The following DST variants were observed in gnomAD, a reference collection of about 807,000 sequenced individuals.
DST encodes dystonin.
In DST, 253 loss-of-function variants were observed where a neutral mutation model predicts 875.2. That is an observed-to-expected ratio of 0.29 (90% CI 0.26 to 0.32). DST has a LOEUF of 0.32. Among genes scored for constraint, DST ranks in the 10% least tolerant of loss-of-function variants. DST has a pLI of 1.00. For missense variants in DST, 8,287 were observed against 9,111.6 expected, an observed-to-expected ratio of 0.91 and a Z score of 3.68; for synonymous variants, 3,124 against 3,197.1, an observed-to-expected ratio of 0.98 and a Z score of 0.77.
At chr6:56,711,728 C>G (rs1005308995) in intron 5 of DST, among the ~76,000 whole-genome samples, 1 of 152,102 alleles carries the variant, frequency 6.6e-6, no homozygotes, top group African/African-American at 2.4e-5. Context: ...GTAAAGGCAT[C>G]AGCATTACCC....
intron 36 of DST, chr6:56,618,092 TCAGA>T: frequency 6.2e-7 from 1 of 1,614,176 alleles, no homozygotes; most frequent in Non-Finnish European, 8.5e-7. Context: ...CTTCTCAATT[TCAGA>T]CAGTCTTGTA....
rs191446490 is a variant in DST, at chr6:56,695,087, G to A, written c.1047+4566C>T. On this transcript the variant is annotated intron_variant, in intron 9 of 103. Transcript: ENST00000680361. ...GGTTGCAGTGAGCCAAGATTGCACC[G>A]CTGCACTCCAGTCTGGGCGACAGAG... Among the ~76,000 whole-genome samples the A allele has an allele frequency of 7.6e-3, 1,090 of 143,066 alleles. 15 individuals carry two copies. The highest frequency in any genetic ancestry group is 0.027 in the African/African-American group (1,021 of 37,280). 93.9% of individuals were successfully genotyped at this position (143,066 alleles called of 152,430 possible). A position where few individuals can be genotyped will look rare whatever the true frequency, so the allele number is the denominator to read the frequency against.
At chr6:56,488,087 A>G (rs577818693) in intron 86 of DST, among the ~76,000 whole-genome samples, 1 of 152,200 alleles carries the variant, frequency 6.6e-6, no homozygotes, top group Admixed American at 6.5e-5. Flanking sequence ...GAAATTTCTA[A>G]GTAATAGACA....
intron 5 of DST, among the ~76,000 whole-genome samples, chr6:56,723,500 G>C (rs893244030): frequency 2.0e-5 from 3 of 151,978 alleles, no homozygotes; most frequent in Admixed American, 6.6e-5. Context: ...GGAGGCAGAG[G>C]TTATGATGAG....
intron 4 of DST, 38 bp downstream of exon 4, chr6:56,851,359 T>C (rs746354660): frequency 1.3e-6 from 2 of 1,585,746 alleles, no homozygotes; most frequent in East Asian, 2.2e-5. Context: ...TCCGCAACTC[T>C]CTTCCCCCAC....
At chr6:56,784,508 T>A (rs1006519518) in intron 4 of DST, among the ~76,000 whole-genome samples, 1 of 152,232 alleles carries the variant, frequency 6.6e-6, no homozygotes, top group Non-Finnish European at 1.5e-5. Context: ...TTCTTCCAGT[T>A]GATCGCATCA....
intron 4 of DST, among the ~76,000 whole-genome samples, chr6:56,749,092 C>T (rs1360354394): frequency 6.6e-6 from 1 of 151,986 alleles, no homozygotes; most frequent in Non-Finnish European, 1.5e-5. Context: ...TTGGGCCGGG[C>T]GCAGTGGCTC....
chr6:56,915,327 C>G (rs1178435144), intron 2 of DST, among the ~76,000 whole-genome samples: 3 of 152,080 alleles, frequency 2.0e-5, no homozygotes, highest in Non-Finnish European at 4.4e-5. Flanking sequence ...TACAACTTCC[C>G]AACTGCAAAT....
chr6:56,680,028 G>C (rs995247712), intron 9 of DST, among the ~76,000 whole-genome samples: 1 of 152,022 alleles, frequency 6.6e-6, no homozygotes, highest in African/African-American at 2.4e-5. Context: ...GGGTCTCTCA[G>C]TATTTAAAAT....
intron 2 of DST, among the ~76,000 whole-genome samples, chr6:56,922,575 T>C (rs1562414537): frequency 6.6e-6 from 1 of 151,532 alleles, no homozygotes; most frequent in Non-Finnish European, 1.5e-5. Flanking sequence ...TCAGTGACCT[T>C]CTTCTTTGCT....
At chr6:56,907,898 A>C (rs1379254123) in intron 2 of DST, among the ~76,000 whole-genome samples, 1 of 152,102 alleles carries the variant, frequency 6.6e-6, no homozygotes, top group Non-Finnish European at 1.5e-5. Flanking sequence ...CAGCCTGGGC[A>C]ACATGGTCAA....
chr6:56,622,983 C>A (rs903802327), intron 36 of DST, among the ~76,000 whole-genome samples: 3 of 152,150 alleles, frequency 2.0e-5, no homozygotes, highest in Admixed American at 2.0e-4. Flanking sequence ...AAACACCAAT[C>A]TTTTGAGTCT....
chr6:56,851,142 A>G (rs775670030), intron 4 of DST: 50 of 520,794 alleles, frequency 9.6e-5, no homozygotes, highest in Non-Finnish European at 1.4e-4. Context: ...ATGTCTGTAA[A>G]TATTTCCTTG....
At chr6:56,772,053 G>C (rs187642302) in intron 4 of DST, among the ~76,000 whole-genome samples, 22 of 152,308 alleles carry the variant, frequency 1.4e-4, no homozygotes, top group Admixed American at 1.3e-3. Flanking sequence ...TGAAATAAAA[G>C]TAGGGAAGAG....
intron 59 of DST, among the ~76,000 whole-genome samples, chr6:56,556,789 T>G (rs1441919597): frequency 1.3e-5 from 2 of 152,182 alleles, no homozygotes; most frequent in Non-Finnish European, 2.9e-5. Flanking sequence ...GCTTTGTAAC[T>G]AGACTAGTCT....
intron 4 of DST, among the ~76,000 whole-genome samples, chr6:56,748,676 T>C (rs2099579184): frequency 6.6e-6 from 1 of 152,246 alleles, no homozygotes; most frequent in Admixed American, 6.5e-5. Context: ...ACTGTCTTTA[T>C]GGATCATCAT....
At chr6:56,468,654 TTGTGTTCCAA>T (rs2094713526) in intron 98 of DST, among the ~76,000 whole-genome samples, 1 of 152,108 alleles carries the variant, frequency 6.6e-6, no homozygotes, top group African/African-American at 2.4e-5. Flanking sequence ...AGAATCAAAT[TTGTGTTCCAA>T]TGAGTACTAG....
intron 9 of DST, among the ~76,000 whole-genome samples, chr6:56,673,518 T>C (rs1470194741): frequency 1.3e-5 from 2 of 152,150 alleles, no homozygotes; most frequent in Non-Finnish European, 2.9e-5. Flanking sequence ...AACTACAAGA[T>C]ACCAGCTTAA....
At chr6:56,656,702 C>T (rs576652499) in intron 10 of DST, among the ~76,000 whole-genome samples, 34 of 152,270 alleles carry the variant, frequency 2.2e-4, no homozygotes, top group Non-Finnish European at 1.5e-4. Flanking sequence ...TCTGCAATAT[C>T]CTGGTATCAT....
Sources: gnomAD v4.1 joint callset for allele counts (sites outside exome capture counted in the v4.1 genomes callset) on GRCh38, gnomAD v4.1.1 for gene constraint, MANE v1.5 for transcripts, NCBI Gene and HGNC (gene_info 2026-07-23, HGNC 2026-07-21) for gene names.